Variants in ADK observed in about 807,000 individuals in gnomAD.
The protein encoded by ADK is N6,N6-dimethyladenosine kinase.
Under a neutral mutation model 44.7 loss-of-function variants are expected in ADK, and 24 were observed. That is an observed-to-expected ratio of 0.54 (90% CI 0.39 to 0.76). The LOEUF is 0.76. Ranked by LOEUF, ADK falls within the 30% of genes least tolerant of loss-of-function variation. The pLI is 0.00. For missense variants in ADK, 321 were observed against 425.1 expected (o/e 0.76, Z 2.15); for synonymous variants, 128 against 142.6 (o/e 0.90, Z 0.73).
intron 4 of ADK, among the ~76,000 whole-genome samples, chr10:74,347,295 G>A (rs1339802125): frequency 2.6e-5 from 4 of 151,880 alleles, no homozygotes; most frequent in African/African-American, 9.7e-5. Context: ...GCAGAAGCAG[G>A]GTGGGGTATC....
intron 6 of ADK, among the ~76,000 whole-genome samples, chr10:74,486,086 G>A (rs1371396886): frequency 2.6e-5 from 4 of 152,066 alleles, no homozygotes; most frequent in Admixed American, 6.5e-5. Context: ...TAATCCCCAC[G>A]TGTCAAAGGA....
intron 3 of ADK, among the ~76,000 whole-genome samples, chr10:74,302,109 GTT>G (rs1172807289): frequency 2.3e-4 from 3 of 13,040 alleles, no homozygotes; most frequent in Non-Finnish European, 3.2e-4. Context: ...TTGTTTGTTT[GTT>G]TTTTTTTTTT....
At chr10:74,600,095 T>C (rs1852061702) in intron 8 of ADK, among the ~76,000 whole-genome samples, 1 of 152,166 alleles carries the variant, frequency 6.6e-6, no homozygotes, top group South Asian at 2.1e-4. Flanking sequence ...TTATGTATAG[T>C]TCTTGGAGTT....
intron 3 of ADK, among the ~76,000 whole-genome samples, chr10:74,302,109 G>GTT (rs1172807289): frequency 1.5e-4 from 2 of 13,042 alleles, no homozygotes; most frequent in African/African-American, 2.4e-4. Context: ...TTGTTTGTTT[G>GTT]TTTTTTTTTT....
At chr10:74,616,742 C>T (rs1852772797) in intron 9 of ADK, among the ~76,000 whole-genome samples, 1 of 152,116 alleles carries the variant, frequency 6.6e-6, no homozygotes, top group Non-Finnish European at 1.5e-5. Flanking sequence ...TTAATTGTCA[C>T]CAAAGGAATT....
chr10:74,642,356 TC>T (rs1297734308), intron 9 of ADK, among the ~76,000 whole-genome samples: 1 of 123,794 alleles, frequency 8.1e-6, no homozygotes, highest in Non-Finnish European at 1.5e-5. Flanking sequence ...TTTGATGCAC[TC>T]AATTTTTTTT....
chr10:74,423,490 GT>G, intron 6 of ADK: 1 of 198,470 alleles, frequency 5.0e-6, no homozygotes, highest in Middle Eastern at 1.1e-3. Context: ...CCGTACCTCA[GT>G]TTTGGCCTGG....
chr10:74,274,194 T>C (rs1244820885), intron 3 of ADK, among the ~76,000 whole-genome samples: 1 of 152,196 alleles, frequency 6.6e-6, no homozygotes, highest in Non-Finnish European at 1.5e-5. Flanking sequence ...AGTAACATAG[T>C]CTATAAACAC....
chr10:74,223,672 A>G (rs1191819794), intron 2 of ADK, among the ~76,000 whole-genome samples: 2 of 152,114 alleles, frequency 1.3e-5, no homozygotes, highest in African/African-American at 4.8e-5. Context: ...AATATATGGT[A>G]CTGTGAAAGA....
At chr10:74,316,372 A>G (rs777850233) in intron 4 of ADK, among the ~76,000 whole-genome samples, 3 of 152,158 alleles carry the variant, frequency 2.0e-5, no homozygotes, top group Admixed American at 6.5e-5. Context: ...TTGTGTCCCC[A>G]CCCAAATCTA....
intron 9 of ADK, among the ~76,000 whole-genome samples, chr10:74,658,583 G>A (rs1168119987): frequency 1.3e-5 from 2 of 151,798 alleles, no homozygotes; most frequent in Non-Finnish European, 2.9e-5. Flanking sequence ...CTACAGGCAC[G>A]CACCCCCATG....
chr10:74,310,771 C>T (rs1483892497), intron 3 of ADK, among the ~76,000 whole-genome samples: 1 of 152,038 alleles, frequency 6.6e-6, no homozygotes, highest in Non-Finnish European at 1.5e-5. Flanking sequence ...TGATTTTGAC[C>T]TGCATTTTAG....
chr10:74,578,887 CATAAA>C (rs1851283877), intron 7 of ADK, among the ~76,000 whole-genome samples: 2 of 152,154 alleles, frequency 1.3e-5, no homozygotes, highest in South Asian at 4.1e-4. Flanking sequence ...CTATATCCTT[CATAAA>C]ATAAAATGTA....
At chr10:74,210,330 G>GAAAAAAAAAAAAA (rs57852507) in intron 2 of ADK, among the ~76,000 whole-genome samples, 2 of 84,894 alleles carry the variant, frequency 2.4e-5, no homozygotes, top group Non-Finnish European at 2.2e-5. Flanking sequence ...TCCATCTCAG[G>GAAAAAAAAAAAAA]AAAAAAAAAA....
At chr10:74,613,825 TA>T (rs1230190064) in intron 9 of ADK, among the ~76,000 whole-genome samples, 1 of 152,128 alleles carries the variant, frequency 6.6e-6, no homozygotes, top group Non-Finnish European at 1.5e-5. Context: ...AATATTAATA[TA>T]AATCATTTTG....
At chr10:74,197,829 G>A (rs1225339643) in intron 1 of ADK, among the ~76,000 whole-genome samples, 2 of 152,044 alleles carry the variant, frequency 1.3e-5, no homozygotes, top group African/African-American at 2.4e-5. Context: ...TTTAAACGGA[G>A]TATAATAAAC....
intron 1 of ADK, among the ~76,000 whole-genome samples, chr10:74,154,742 A>G (rs1841703130): frequency 3.3e-5 from 5 of 152,156 alleles, no homozygotes; most frequent in Non-Finnish European, 1.5e-5. Flanking sequence ...AAAGTTTGAG[A>G]CCTAGATATT....
At chr10:74,674,496 A>T (rs1010956381) in intron 10 of ADK, among the ~76,000 whole-genome samples, 1 of 152,168 alleles carries the variant, frequency 6.6e-6, no homozygotes. Flanking sequence ...TTAGCTGGTC[A>T]TGGTAACATG....
chr10:74,301,589 C>T (rs950748027), intron 3 of ADK, among the ~76,000 whole-genome samples: 4 of 150,338 alleles, frequency 2.7e-5, no homozygotes, highest in African/African-American at 9.8e-5. Flanking sequence ...GAATTACATT[C>T]TTCTCATTAC....
Sources: allele counts gnomAD v4.1 joint callset (sites outside exome capture counted in the v4.1 genomes callset), GRCh38; gene constraint gnomAD v4.1.1; transcripts MANE v1.5; gene names NCBI Gene and HGNC (gene_info 2026-07-23, HGNC 2026-07-21).